SMC4: variants seen among roughly 807,000 people sequenced by gnomAD.
SMC4 encodes the protein structural maintenance of chromosomes protein 4.
Under a neutral mutation model 145.6 loss-of-function variants are expected in SMC4, and 87 were observed. The ratio of observed to expected loss-of-function variants is 0.60; its 90% CI spans 0.50 to 0.71. The LOEUF (loss-of-function observed/expected upper bound fraction) is 0.71, where lower values mean the gene tolerates loss of function less well. Ranked by LOEUF, SMC4 falls within the 30% of genes least tolerant of loss-of-function variation. SMC4 has a pLI of 0.00. For missense variants in SMC4, 1,447 were observed against 1,537.1 expected (o/e 0.94, Z 0.98); for synonymous variants, 558 against 500.7 (o/e 1.11, Z -1.53).
rs759297599 is a variant in SMC4, at chr3:160,425,068, G to T, written c.2478+49G>T. The T allele has an allele frequency of 1.0e-5, 12 of 1,180,038 alleles. No homozygotes were observed. In the African/African-American group the frequency reaches 2.0e-4, roughly 19 times the overall value. The allele number at this position is 1,180,038 out of a possible 1,614,324, so 73.1% of individuals were successfully genotyped here. A position where few individuals can be genotyped will look rare whatever the true frequency, so the allele number is the denominator to read the frequency against. ...TGTGTGTGTGTACTGAAACTATTGGGATTCAACTGGAATTTATCAGAACCA... is the reference window on the plus strand; with the variant it reads ...TGTGTGTGTGTACTGAAACTATTGGTATTCAACTGGAATTTATCAGAACCA... On this transcript the variant is annotated intron_variant, in intron 16 of 23. Coordinates refer to ENST00000357388, the MANE Select transcript of SMC4 (RefSeq NM_001002800.3).
intron 15 of SMC4, among the ~76,000 whole-genome samples, chr3:160,424,111 T>G (rs1717505314): frequency 6.6e-6 from 1 of 152,218 alleles, no homozygotes; most frequent in Non-Finnish European, 1.5e-5. Flanking sequence ...TAATTATTTC[T>G]GTTTTACATT....
At position 160,419,549 on chromosome 3, in the gene SMC4, G is replaced by A; in HGVS notation, c.1857+6G>A. ...CAGGAATATATGGAAGATTGGTAAA[G>A]TAGATTTTTGGGGGGCATGGCTTTA... On this transcript the variant is annotated splice_donor_region_variant and intron_variant, in intron 12 of 23. Transcript: ENST00000357388. 1 of 1,577,914 alleles carries A rather than the reference G, an allele frequency of 6.3e-7. No homozygotes were observed. The highest frequency in any genetic ancestry group is 2.3e-5 in the East Asian group (1 of 44,350).
chr3:160,403,377 T>G (rs1245267776), intron 4 of SMC4, among the ~76,000 whole-genome samples: 5 of 152,170 alleles, frequency 3.3e-5, no homozygotes, highest in Non-Finnish European at 5.9e-5. Flanking sequence ...AGCTAATGTT[T>G]GTTTTCTAGA....
At chr3:160,401,043 G>A in intron 2 of SMC4, 78 bp downstream of exon 2, 2 of 1,347,996 alleles carry the variant, frequency 1.5e-6, no homozygotes, top group Non-Finnish European at 1.9e-6. Flanking sequence ...GAGGCTGGCT[G>A]GGGTTGTTGA....
At chr3:160,414,795 T>G (rs1273537674) in intron 9 of SMC4, among the ~76,000 whole-genome samples, 1 of 152,148 alleles carries the variant, frequency 6.6e-6, no homozygotes, top group African/African-American at 2.4e-5. Context: ...AGTCTTGAAC[T>G]CCTGGGCTTA....
Position 160,432,319 on chromosome 3 carries a change from A to G in SMC4, c.3334A>G (p.Lys1112Glu), listed in dbSNP as rs143815520. 1.9e-4 allele frequency: 302 copies of G among 1,611,716 alleles called. No homozygotes were observed. The African/African-American group carries it at 3.8e-3, about 20-fold the overall frequency. The change falls in exon 22 of 24, where the codon AAA becomes GAA. Residue 1112 changes from lysine to glutamate, a missense_variant. By Grantham distance (56) the Lys-to-Glu change is moderately conservative. Coordinates refer to ENST00000357388, the MANE Select transcript of SMC4 (RefSeq NM_001002800.3). ...LYLQRVAELDKITYERDSFRQ... is the reference protein window; with the variant it reads ...LYLQRVAELDEITYERDSFRQ... Reference sequence around the variant, plus strand: ...TTTGCAACGGGTAGCAGAATTGGACAAAATTACTTATGAAAGAGACAGTTT... The same window carrying G: ...TTTGCAACGGGTAGCAGAATTGGACGAAATTACTTATGAAAGAGACAGTTT...
chr3:160,421,969 A>G (rs1346007105), intron 13 of SMC4, among the ~76,000 whole-genome samples: 3 of 152,218 alleles, frequency 2.0e-5, no homozygotes, highest in Non-Finnish European at 4.4e-5. Context: ...ATCATACAAT[A>G]TATGGCCTTT....
At chr3:160,431,519 A>T in intron 20 of SMC4, 124 bp from the exon 21 acceptor site, 2 of 777,154 alleles carry the variant, frequency 2.6e-6, no homozygotes, top group Non-Finnish European at 4.1e-6. Flanking sequence ...TTGAAAAATA[A>T]TTGATAAATC....
intron 23 of SMC4, 128 bp downstream of exon 23, chr3:160,433,337 T>C: frequency 1.5e-6 from 1 of 658,260 alleles, no homozygotes; most frequent in Non-Finnish European, 2.6e-6. Context: ...CTCCATCTCC[T>C]CTGGTATCAG....
intron 8 of SMC4, 89 bp downstream of exon 8, chr3:160,413,702 G>A (rs1716271421): frequency 1.2e-5 from 9 of 778,510 alleles, no homozygotes; most frequent in Non-Finnish European, 1.3e-5. Flanking sequence ...CACATTGTGA[G>A]TGTAAGACAT....
intron 5 of SMC4, chr3:160,404,864 C>A: frequency 4.4e-6 from 2 of 454,106 alleles, no homozygotes. Context: ...TTTGTATTTC[C>A]CTTTAAGGTA....
chr3:160,423,621 C>T lies in SMC4; in HGVS notation c.2216C>T (p.Thr739Ile). Reference sequence around the variant, plus strand: ...AAAGATAGAAGATGGAGAGTGGTAACTTTACAGGGACAAATCATAGAACAG... The same window carrying T: ...AAAGATAGAAGATGGAGAGTGGTAATTTTACAGGGACAAATCATAGAACAG... ...YQKDRRWRVV[T>I]LQGQIIEQSG... The change falls in exon 14 of 24, where the codon ACT (threonine) becomes ATT (isoleucine). Residue 739 changes from threonine (T) to isoleucine (I), a missense_variant. Thr to Ile is a moderately conservative substitution (Grantham distance 89). Transcript: ENST00000357388. 6.2e-7 allele frequency: 1 copy of T among 1,613,064 alleles called. No individual in the cohort carries two copies.
intron 21 of SMC4, 117 bp from the exon 22 acceptor site, chr3:160,432,166 C>T (rs1295882941): frequency 1.3e-6 from 1 of 790,586 alleles, no homozygotes; most frequent in East Asian, 2.7e-5. Flanking sequence ...CGCGCCATTG[C>T]ACTCCAGCCT....
chr3:160,413,016 C>T (rs1225917067), intron 7 of SMC4, among the ~76,000 whole-genome samples: 2 of 152,140 alleles, frequency 1.3e-5, no homozygotes, highest in Non-Finnish European at 1.5e-5. Flanking sequence ...TCACTGCAAT[C>T]TCAACCTTCC....
At chr3:160,418,039 G>C in intron 11 of SMC4, 83 bp downstream of exon 11, 1 of 1,049,848 alleles carries the variant, frequency 9.5e-7, no homozygotes, top group Non-Finnish European at 1.4e-6. Flanking sequence ...CTCCGCGTCA[G>C]AGGTGACTAG....
intron 12 of SMC4, 92 bp downstream of exon 12, chr3:160,419,635 C>T (rs1010188124): frequency 8.9e-7 from 1 of 1,124,838 alleles, no homozygotes; most frequent in African/African-American, 1.6e-5. Context: ...TTTCAAGTGT[C>T]ACTGTATATA....
chr3:160,430,830 G>C (rs962850862), intron 19 of SMC4, 87 bp downstream of exon 19: 1 of 1,426,794 alleles, frequency 7.0e-7, no homozygotes, highest in African/African-American at 1.4e-5. Flanking sequence ...CTAGAATGTA[G>C]TAAGCACTCA....
At chr3:160,419,619 A>T in intron 12 of SMC4, 76 bp downstream of exon 12, 1 of 1,342,614 alleles carries the variant, frequency 7.4e-7, no homozygotes, top group Non-Finnish European at 1.0e-6. Flanking sequence ...TGCCTTGACA[A>T]CCATATTTCA....
chr3:160,418,342 G>A lies in SMC4; in HGVS notation c.1671+386G>A, dbSNP rs190287009. On this transcript the variant is annotated intron_variant, in intron 11 of 23. Coordinates refer to ENST00000357388, the MANE Select transcript of SMC4 (RefSeq NM_001002800.3). Reference sequence around the variant, plus strand: ...TGTTTTGGGTTTTGAATTTATGGATGTAGTTTCTTTGCTTGCATTCCAAAA... The same window carrying A: ...TGTTTTGGGTTTTGAATTTATGGATATAGTTTCTTTGCTTGCATTCCAAAA... Among the ~76,000 whole-genome samples the A allele has an allele frequency of 6.8e-3, 1,032 of 152,262 alleles. 8 individuals are homozygous for A. Among genetic ancestry groups the A allele is most frequent in the Non-Finnish European group, 0.011 (773 of 68,004 alleles).
Sources: gnomAD v4.1 joint callset for allele counts (sites outside exome capture counted in the v4.1 genomes callset) on GRCh38, gnomAD v4.1.1 for gene constraint, MANE v1.5 for transcripts, NCBI Gene and HGNC (gene_info 2026-07-23, HGNC 2026-07-21) for gene names.